DYNC1LI1: variants seen among roughly 807,000 people sequenced by gnomAD.
The protein encoded by DYNC1LI1 is cytoplasmic dynein 1 light intermediate chain 1.
In DYNC1LI1, 19 loss-of-function variants were observed where a neutral mutation model predicts 63.8. The observed-to-expected ratio is 0.30, with a 90% CI of 0.21 to 0.44. The LOEUF (loss-of-function observed/expected upper bound fraction) is 0.44. DYNC1LI1 is among the 20% of genes least tolerant of loss of function. The pLI is 1.00. For missense variants in DYNC1LI1, 565 were observed against 630.2 expected, an observed-to-expected ratio of 0.90 and a Z score of 1.11; for synonymous variants, 225 against 232.3, an observed-to-expected ratio of 0.97 and a Z score of 0.28.
In DYNC1LI1 at chr3:32,545,108, T is replaced by TACA. The variant is rs1239788797; in HGVS notation, c.338-5_338-3dup. On this transcript the variant is annotated splice_polypyrimidine_tract_variant and splice_region_variant and intron_variant, in intron 3 of 12. Coordinates refer to ENST00000273130, the MANE Select transcript of DYNC1LI1 (RefSeq NM_016141.4). ...TCCAAACATTACATCTTGTTTGATC[T>TACA]ACAACAGACAAAACAAAGTAACCAA... 3 of 1,593,634 alleles carry TACA rather than the reference T, an allele frequency of 1.9e-6. No homozygotes were observed. In the African/African-American group the frequency reaches 4.0e-5, roughly 21 times the overall value.
At chr3:32,543,868 C>A (rs1341154469) in intron 4 of DYNC1LI1, among the ~76,000 whole-genome samples, 4 of 151,060 alleles carry the variant, frequency 2.6e-5, no homozygotes, top group African/African-American at 9.7e-5. Context: ...AGTTCAAGAC[C>A]AGCCTGGGCA....
chr3:32,543,207 A>G (rs190710391), intron 4 of DYNC1LI1, among the ~76,000 whole-genome samples: 2 of 152,066 alleles, frequency 1.3e-5, no homozygotes, highest in Non-Finnish European at 2.9e-5. Context: ...AATAACAACA[A>G]AAACTCCACA....
At chr3:32,564,095 G>C (rs759174710) in intron 2 of DYNC1LI1, among the ~76,000 whole-genome samples, 5 of 152,218 alleles carry the variant, frequency 3.3e-5, no homozygotes, top group African/African-American at 4.8e-5. Context: ...TAGCCCAGGA[G>C]TTGGGGACCA....
chr3:32,567,584 G>A (rs911661073), intron 2 of DYNC1LI1, among the ~76,000 whole-genome samples: 1 of 151,732 alleles, frequency 6.6e-6, no homozygotes, highest in African/African-American at 2.4e-5. Context: ...TGTTGCCCAG[G>A]CTGGAGTGCA....
chr3:32,538,108 A>C (rs1463411460), intron 5 of DYNC1LI1, among the ~76,000 whole-genome samples: 1 of 47,532 alleles, frequency 2.1e-5, no homozygotes, highest in East Asian at 4.5e-4. Flanking sequence ...ATAAAATAGC[A>C]AAAAAAAAAA....
chr3:32,532,156 T>C (rs1697706116), intron 8 of DYNC1LI1: 1 of 151,976 alleles, frequency 6.6e-6, no homozygotes, highest in Non-Finnish European at 1.5e-5. Flanking sequence ...TTGGATAGAT[T>C]GATATGTTAG....
In DYNC1LI1 at chr3:32,570,375, A is replaced by G. The variant is rs1307030785; in HGVS notation, c.191T>C (p.Leu64Pro). The G allele has an allele frequency of 6.2e-7, 1 of 1,606,020 alleles. No homozygotes were observed. ...CAGTAGCACGTTCTTCCCCGCAGGG[A>G]GCTTGGAGCGCGAGCGGGTGGAGAC... ...SEVSTRSRSK[L>P]PAGKNVLLLG... is the part of the protein sequence containing the mutation. Residue 64 changes from leucine to proline, a missense_variant, in exon 2 of 13, where the codon CTC (leucine) becomes CCC (proline). Physicochemically the swap from Leu to Pro is moderately conservative, Grantham distance 98. Transcript: ENST00000273130.
At chr3:32,543,949 C>A (rs1167985956) in intron 4 of DYNC1LI1, among the ~76,000 whole-genome samples, 2 of 150,772 alleles carry the variant, frequency 1.3e-5, no homozygotes, top group Non-Finnish European at 3.0e-5. Context: ...GCCTGTACTA[C>A]TCAGGGGGCT....
intron 2 of DYNC1LI1, among the ~76,000 whole-genome samples, chr3:32,552,454 C>T (rs907904050): frequency 6.6e-6 from 1 of 152,084 alleles, no homozygotes; most frequent in Non-Finnish European, 1.5e-5. Context: ...GTCACTGAGA[C>T]CCCCAGCTTT....
intron 2 of DYNC1LI1, among the ~76,000 whole-genome samples, chr3:32,546,380 G>T (rs1256448417): frequency 1.3e-5 from 2 of 151,892 alleles, no homozygotes; most frequent in Non-Finnish European, 1.5e-5. Context: ...TGTACTCCAG[G>T]CTGGGTAACA....
chr3:32,531,944 A>G (rs961917006), intron 8 of DYNC1LI1: 8 of 152,288 alleles, frequency 5.3e-5, no homozygotes, highest in South Asian at 4.1e-4. Flanking sequence ...AAATGTTTCA[A>G]TAAGCATTTC....
At chr3:32,559,611 T>C (rs1270304404) in intron 2 of DYNC1LI1, among the ~76,000 whole-genome samples, 1 of 152,066 alleles carries the variant, frequency 6.6e-6, no homozygotes, top group Admixed American at 6.5e-5. Flanking sequence ...AAATCAGTAG[T>C]CAAAGCAAAA....
At chr3:32,565,688 C>A (rs1193951436) in intron 2 of DYNC1LI1, among the ~76,000 whole-genome samples, 1 of 152,170 alleles carries the variant, frequency 6.6e-6, no homozygotes, top group African/African-American at 2.4e-5. Flanking sequence ...TGGCTCACTG[C>A]AACCTCTGCC....
At chr3:32,561,026 A>AAC (rs1698184955) in intron 2 of DYNC1LI1, among the ~76,000 whole-genome samples, 4 of 141,300 alleles carry the variant, frequency 2.8e-5, no homozygotes, top group Non-Finnish European at 6.0e-5. Context: ...AAAAAAAAAA[A>AAC]AAAAAAACAA....
At position 32,570,694 on chromosome 3, in the gene DYNC1LI1, A is replaced by G. The variant is rs566776283; in HGVS notation, c.77T>C (p.Leu26Ser). The G allele has an allele frequency of 6.2e-7, 1 of 1,608,702 alleles. No homozygotes were observed. Among genetic ancestry groups the G allele is most frequent in the East Asian group, 2.2e-5 (1 of 44,486 alleles). The change falls in exon 1 of 13, where the codon TTG (leucine) becomes TCG (serine). Residue 26 changes from leucine to serine, a missense_variant. Coordinates refer to ENST00000273130, the MANE Select transcript of DYNC1LI1 (RefSeq NM_016141.4). ...GLSSTYTGGPLGNEIASGNGG... is the reference protein window; with the variant it reads ...GLSSTYTGGPSGNEIASGNGG... ...GTTGCCCGACGCTATCTCGTTGCCC[A>G]AGGGGCCGCCAGTGTAAGTCGAGGA...
chr3:32,547,308 A>G (rs1697968938), intron 2 of DYNC1LI1, among the ~76,000 whole-genome samples: 1 of 152,294 alleles, frequency 6.6e-6, no homozygotes, highest in South Asian at 2.1e-4. Flanking sequence ...TAATATTGTG[A>G]GTATTTAAAT....
chr3:32,565,541 A>G (rs190259514), intron 2 of DYNC1LI1, among the ~76,000 whole-genome samples: 48 of 152,352 alleles, frequency 3.2e-4, no homozygotes, highest in Admixed American at 9.1e-4. Context: ...CTTACTTACA[A>G]GGAAAGCTCT....
intron 5 of DYNC1LI1, among the ~76,000 whole-genome samples, chr3:32,538,747 TAAGAC>T (rs1238837355): frequency 6.6e-6 from 1 of 151,970 alleles, no homozygotes; most frequent in Non-Finnish European, 1.5e-5. Context: ...GATCTGGACT[TAAGAC>T]AAGAAACTTA....
In DYNC1LI1 at chr3:32,537,099, A is replaced by G. The variant is rs141772019; in HGVS notation, c.744T>C (p.Asp248=). The G allele has an allele frequency of 5.0e-5, 77 of 1,535,094 alleles. No homozygotes were observed. In the African/African-American group the frequency reaches 9.6e-4, roughly 19 times the overall value. The stretch of plus-strand genomic sequence containing the variant: ...GTTCTTTCTCCAATACACTAATGGC[A>G]TCACACTGTTAAGTTAAAATAATTA... The part of the protein sequence containing the change: ...IPVLVVCTKC[D]AISVLEKEHD... Residue 248 remains aspartate (D), a synonymous_variant, in exon 6 of 13, where the codon GAT becomes GAC. Transcript: ENST00000273130.
Sources: gnomAD v4.1 joint callset for allele counts (sites outside exome capture counted in the v4.1 genomes callset) on GRCh38, gnomAD v4.1.1 for gene constraint, MANE v1.5 for transcripts, NCBI Gene and HGNC (gene_info 2026-07-23, HGNC 2026-07-21) for gene names.